The following TOX variants were observed in gnomAD, a reference collection of about 807,000 sequenced individuals.
TOX encodes the protein thymocyte selection-associated high mobility group box protein TOX.
In TOX, 11 loss-of-function variants were observed where a neutral mutation model predicts 53.7. The observed-to-expected ratio is 0.20, with a 90% CI of 0.13 to 0.34. The LOEUF is 0.34. TOX is among the 10% of genes least tolerant of loss of function. TOX has a pLI of 1.00. For synonymous variants in TOX, 225 were observed against 245.3 expected (o/e 0.92, Z 0.77); for missense variants, 570 against 664.6 (o/e 0.86, Z 1.56).
chr8:59,014,492 A>G (rs187494155), intron 1 of TOX, among the ~76,000 whole-genome samples: 1 of 152,366 alleles, frequency 6.6e-6, no homozygotes, highest in East Asian at 1.9e-4. Flanking sequence ...GATATGCAGA[A>G]TCTACAAAGT....
intron 2 of TOX, among the ~76,000 whole-genome samples, chr8:58,958,954 G>A (rs1380673647): frequency 6.6e-6 from 1 of 152,130 alleles, no homozygotes; most frequent in Non-Finnish European, 1.5e-5. Context: ...TGAAGAAAAA[G>A]AAGTTTTATG....
intron 3 of TOX, among the ~76,000 whole-genome samples, chr8:58,915,054 C>T (rs1811985460): frequency 1.3e-5 from 2 of 148,860 alleles, no homozygotes; most frequent in African/African-American, 4.9e-5. Context: ...GGGTCCTACG[C>T]CCACGGAATC....
chr8:59,083,249 A>C (rs1369119551), intron 1 of TOX, among the ~76,000 whole-genome samples: 1 of 152,216 alleles, frequency 6.6e-6, no homozygotes, highest in Non-Finnish European at 1.5e-5. Flanking sequence ...TCATCTTGGA[A>C]CCTACTTTTT....
chr8:59,057,778 A>C (rs10504282), intron 1 of TOX, among the ~76,000 whole-genome samples: 2 of 152,022 alleles, frequency 1.3e-5, no homozygotes, highest in African/African-American at 4.8e-5. Flanking sequence ...GTATTCCTTT[A>C]ATAATCAGCT....
At chr8:58,939,805 C>T (rs1320331405) in intron 2 of TOX, among the ~76,000 whole-genome samples, 2 of 152,214 alleles carry the variant, frequency 1.3e-5, no homozygotes, top group African/African-American at 4.8e-5. Flanking sequence ...AAACAGATTT[C>T]AAAGTTCCCA....
At chr8:59,021,784 T>G (rs1380416571) in intron 1 of TOX, among the ~76,000 whole-genome samples, 1 of 152,070 alleles carries the variant, frequency 6.6e-6, no homozygotes, top group Admixed American at 6.6e-5. Flanking sequence ...AAATCATGAT[T>G]GAAATTCCAA....
At chr8:58,853,076 G>A (rs932844491) in intron 3 of TOX, among the ~76,000 whole-genome samples, 2 of 152,260 alleles carry the variant, frequency 1.3e-5, no homozygotes, top group Middle Eastern at 3.4e-3. Context: ...AACTGAGGCT[G>A]TCCACAGCCC....
At chr8:58,869,056 G>A (rs1462078781) in intron 3 of TOX, among the ~76,000 whole-genome samples, 12 of 151,576 alleles carry the variant, frequency 7.9e-5, no homozygotes, top group African/African-American at 2.4e-4. Flanking sequence ...GTGAAACCCC[G>A]TCTCTACTAA....
At chr8:58,840,850 T>C (rs1810631805) in intron 4 of TOX, among the ~76,000 whole-genome samples, 1 of 144,190 alleles carries the variant, frequency 6.9e-6, no homozygotes, top group African/African-American at 2.7e-5. Flanking sequence ...GCTTGATGCT[T>C]GAGTCTCCCC....
chr8:58,864,078 C>T (rs4738723), intron 3 of TOX, among the ~76,000 whole-genome samples: 70,826 of 151,830 alleles, frequency 0.47, 17,692 homozygotes, highest in African/African-American at 0.67. Flanking sequence ...ACAGTCAGTA[C>T]ATCTGCTATA....
At chr8:58,811,455 C>A (rs1298076847) in intron 7 of TOX, among the ~76,000 whole-genome samples, 1 of 152,184 alleles carries the variant, frequency 6.6e-6, no homozygotes, top group Non-Finnish European at 1.5e-5. Flanking sequence ...GTTGTGCCAC[C>A]AGAGCAAGTC....
In TOX at chr8:58,910,570, T is replaced by C. The variant is rs552653143; in HGVS notation, c.411+28732A>G. On this transcript the variant is annotated intron_variant, in intron 3 of 8. Coordinates refer to ENST00000361421, the MANE Select transcript of TOX (RefSeq NM_014729.3). ...ATTTTGTTGGGGCATGTTGTGACAA[T>C]ATGAATTTTATTATTTGGGAATTTT... Among the ~76,000 whole-genome samples the C allele has an allele frequency of 4.6e-5, 7 of 152,332 alleles. No individual in the cohort carries two copies. In the East Asian group the frequency reaches 1.3e-3, roughly 29 times the overall value.
chr8:59,058,111 A>G (rs867574495), intron 1 of TOX, among the ~76,000 whole-genome samples: 5 of 152,270 alleles, frequency 3.3e-5, no homozygotes, highest in Middle Eastern at 3.2e-3. Flanking sequence ...CTTAAAGAAA[A>G]AAATGATTAA....
At chr8:58,807,831 C>T in intron 8 of TOX, 48 bp from the exon 9 acceptor site, 1 of 1,604,574 alleles carries the variant, frequency 6.2e-7, no homozygotes, top group Non-Finnish European at 8.5e-7. Flanking sequence ...ACAACCTGTG[C>T]TACAGGTGAC....
In TOX at chr8:59,064,040, C is replaced by T. The variant is rs1275857985; in HGVS notation, c.102+54846G>A. ...CTTGGAAATGACATAGGTTTAAAGT[C>T]CTTTGACTCATTCCACTGGGATTAT... is the stretch of plus-strand genomic sequence containing the variant. On this transcript the variant is annotated intron_variant, in intron 1 of 8. Transcript: ENST00000361421. Among the ~76,000 whole-genome samples, 5 of 151,966 alleles carry T rather than the reference C, an allele frequency of 3.3e-5. No homozygotes were observed. The South Asian group carries it at 1.0e-3, about 32-fold the overall frequency.
chr8:58,999,047 A>G (rs1186140067), intron 1 of TOX, among the ~76,000 whole-genome samples: 1 of 152,222 alleles, frequency 6.6e-6, no homozygotes, highest in African/African-American at 2.4e-5. Flanking sequence ...TTTTAGTGAA[A>G]AGAGTTTCCA....
At chr8:58,965,179 A>T (rs777332005) in intron 1 of TOX, among the ~76,000 whole-genome samples, 5 of 152,198 alleles carry the variant, frequency 3.3e-5, no homozygotes, top group African/African-American at 4.8e-5. Context: ...AGTTTGAAAG[A>T]ATAAATAGGC....
chr8:58,824,165 G>C (rs982889058), intron 6 of TOX, among the ~76,000 whole-genome samples: 4 of 152,168 alleles, frequency 2.6e-5, no homozygotes, highest in Non-Finnish European at 5.9e-5. Flanking sequence ...TGAGGGCAGT[G>C]CAGGTCAATG....
At chr8:59,025,872 C>T (rs888686040) in intron 1 of TOX, among the ~76,000 whole-genome samples, 6 of 152,182 alleles carry the variant, frequency 3.9e-5, no homozygotes, top group Non-Finnish European at 7.3e-5. Flanking sequence ...GGACCAGGAC[C>T]TTGCCTCACT....
Sources: gnomAD v4.1 joint callset for allele counts (sites outside exome capture counted in the v4.1 genomes callset) on GRCh38, gnomAD v4.1.1 for gene constraint, MANE v1.5 for transcripts, NCBI Gene and HGNC (gene_info 2026-07-23, HGNC 2026-07-21) for gene names.